The following BICRA variants were observed in gnomAD, a reference collection of about 807,000 sequenced individuals.
BICRA encodes BRD4-interacting chromatin-remodeling complex-associated protein.
In BICRA, 31 loss-of-function variants were observed where a neutral mutation model predicts 96.9. The ratio of observed to expected loss-of-function variants is 0.32; its 90% CI spans 0.24 to 0.43. The LOEUF (loss-of-function observed/expected upper bound fraction) is 0.43, where lower values mean the gene tolerates loss of function less well. Ranked by LOEUF, BICRA falls within the 20% of genes least tolerant of loss-of-function variation. The pLI is 1.00. For missense variants in BICRA, 2,283 were observed against 2,190.3 expected, an observed-to-expected ratio of 1.04 and a Z score of -0.84; for synonymous variants, 1,350 against 1,071.8, an observed-to-expected ratio of 1.26 and a Z score of -5.07.
Position 47,701,905 on chromosome 19 carries a change from C to T in BICRA, c.4173C>T (p.Tyr1391=), listed in dbSNP as rs1311579096. The T allele has an allele frequency of 1.4e-6, 2 of 1,442,594 alleles. No individual in the cohort carries two copies. Among genetic ancestry groups the T allele is most frequent in the Admixed American group, 2.9e-5 (1 of 34,262 alleles). 89.4% of individuals were successfully genotyped at this position (1,442,594 alleles called of 1,614,324 possible). The part of the protein sequence containing the change: ...HCPRLPLRKT[Y]RENVGGPGAP... ...CGCGCCTGCCACTGCGCAAGACCTA[C>T]CGCGAGAACGTGGGGGGCCCTGGCG... is the stretch of plus-strand genomic sequence containing the variant. The change falls in exon 15 of 15, where the codon TAC becomes TAT. Residue 1391 remains tyrosine, a synonymous_variant. Coordinates refer to ENST00000594866, the MANE Select transcript of BICRA (RefSeq NM_001394372.1). The surrounding 1 kb of genome is among the most constrained non-coding windows in gnomAD (Gnocchi z 5.4).
intron 1 of BICRA, among the ~76,000 whole-genome samples, chr19:47,665,934 C>T (rs1972772158): frequency 6.6e-6 from 1 of 152,252 alleles, no homozygotes; most frequent in Non-Finnish European, 1.5e-5. Context: ...GGGCCGGGGA[C>T]TTCTGTCCAG....
At chr19:47,631,278 A>C (rs1056808178) in intron 1 of BICRA, among the ~76,000 whole-genome samples, 2 of 151,956 alleles carry the variant, frequency 1.3e-5, no homozygotes, top group African/African-American at 4.8e-5. Flanking sequence ...CCCAGGCTGG[A>C]GTGCAGTGGC....
At chr19:47,667,047 C>G (rs1288681463) in intron 1 of BICRA, among the ~76,000 whole-genome samples, 2 of 148,124 alleles carry the variant, frequency 1.4e-5, no homozygotes, top group African/African-American at 5.0e-5. Context: ...GAGACGGAGT[C>G]TTGCTCTGTC....
intron 1 of BICRA, among the ~76,000 whole-genome samples, chr19:47,645,812 AG>A (rs1234476132): frequency 2.0e-5 from 3 of 152,084 alleles, no homozygotes; most frequent in African/African-American, 7.2e-5. Context: ...CTGAAGACTG[AG>A]ATTCCAGGTG....
In BICRA at chr19:47,680,597, G is replaced by C. The variant is rs1164259540; in HGVS notation, c.1427G>C (p.Gly476Ala). Reference protein sequence around the residue: ...LPGQNQFLLPGAPAVQLPQQL... With the variant: ...LPGQNQFLLPAAPAVQLPQQL... ...GGCCAGAACCAGTTCCTACTGCCTG[G>C]CGCCCCGGCGGTCCAGCTCCCGCAG... Residue 476 changes from glycine to alanine, a missense_variant, in exon 6 of 15, where the codon GGC becomes GCC. By Grantham distance (60) the Gly-to-Ala change is moderately conservative. Transcript: ENST00000594866. 1.2e-6 allele frequency: 2 copies of C among 1,608,600 alleles called. No individual in the cohort carries two copies. Among genetic ancestry groups the C allele is most frequent in the South Asian group, 1.1e-5 (1 of 90,792 alleles).
chr19:47,650,487 C>A (rs748050698), intron 1 of BICRA, among the ~76,000 whole-genome samples: 1 of 152,154 alleles, frequency 6.6e-6, no homozygotes, highest in African/African-American at 2.4e-5. Flanking sequence ...GAACTCCTGA[C>A]CTCAAGTGAT....
At position 47,669,945 on chromosome 19, in the gene BICRA, C is replaced by T. The variant is rs570672620; in HGVS notation, c.-107-498C>T. Among the ~76,000 whole-genome samples the T allele has an allele frequency of 1.1e-3, 164 of 149,306 alleles. No homozygotes were observed. The Middle Eastern group carries it at 0.019, about 17-fold the overall frequency. On this transcript the variant is annotated intron_variant, in intron 1 of 14. Coordinates refer to ENST00000594866, the MANE Select transcript of BICRA (RefSeq NM_001394372.1). ...TGCTGGGATTACAGGGGTGAGCCAC[C>T]GCGCCCGGACAGATTTTTTTATTTT...
At chr19:47,664,976 T>C (rs1413874102) in intron 1 of BICRA, among the ~76,000 whole-genome samples, 1 of 152,044 alleles carries the variant, frequency 6.6e-6, no homozygotes, top group Non-Finnish European at 1.5e-5. Context: ...GTCTCCAGGG[T>C]GCTGGTGACA....
chr19:47,610,011 G>T (rs1008249758), intron 1 of BICRA, among the ~76,000 whole-genome samples: 2 of 152,170 alleles, frequency 1.3e-5, no homozygotes, highest in Non-Finnish European at 1.5e-5. Flanking sequence ...GTTCGGGGCG[G>T]CCCCCCATCT....
At chr19:47,659,726 ACACACACG>A (rs1454620990) in intron 1 of BICRA, among the ~76,000 whole-genome samples, 357 of 141,266 alleles carry the variant, frequency 2.5e-3, no homozygotes, top group Non-Finnish European at 4.1e-3. Flanking sequence ...ACACACACAC[ACACACACG>A]TTCTCTTCTC....
At chr19:47,657,443 C>A (rs1972635803) in intron 1 of BICRA, among the ~76,000 whole-genome samples, 1 of 150,622 alleles carries the variant, frequency 6.6e-6, no homozygotes, top group Admixed American at 6.6e-5. Flanking sequence ...GTCGCCCAGG[C>A]TGGAGTGCAG....
In BICRA at chr19:47,701,817, C is replaced by A; in HGVS notation, c.4085C>A (p.Thr1362Lys). 1.3e-6 allele frequency: 2 copies of A among 1,532,810 alleles called. No homozygotes were observed. Among genetic ancestry groups the A allele is most frequent in the Non-Finnish European group, 1.7e-6 (2 of 1,143,022 alleles). The allele number at this position is 1,532,810 out of a possible 1,614,324, so 95.0% of individuals were successfully genotyped here. The stretch of plus-strand genomic sequence containing the variant: ...CCGCCCACGGGCCAGATGAACGGCA[C>A]GGTGGACCACCCGCCGCCTGCCGCC... The part of the protein sequence containing the change: ...PPPPTGQMNG[T>K]VDHPPPAAPE... Residue 1362 changes from threonine (T) to lysine (K), a missense_variant, in exon 15 of 15, where the codon ACG becomes AAG. By Grantham distance (78) the Thr-to-Lys change is moderately conservative. Coordinates refer to ENST00000594866, the MANE Select transcript of BICRA (RefSeq NM_001394372.1). This position sits in a 1 kb window ranked among gnomAD's most constrained non-coding sequence, Gnocchi z 5.4.
chr19:47,612,921 C>T (rs1054000027), intron 1 of BICRA, among the ~76,000 whole-genome samples: 3 of 151,764 alleles, frequency 2.0e-5, no homozygotes, highest in Non-Finnish European at 2.9e-5. Flanking sequence ...TTTCCCTTGG[C>T]GAGATGACAG....
intron 9 of BICRA, 43 bp from the exon 10 acceptor site, chr19:47,695,322 C>T: frequency 3.7e-6 from 3 of 813,788 alleles, no homozygotes; most frequent in Non-Finnish European, 6.2e-6. Context: ...GGCCTTCATG[C>T]AGTGACCGCA....
chr19:47,660,991 C>T (rs916241877), intron 1 of BICRA, among the ~76,000 whole-genome samples: 1 of 152,012 alleles, frequency 6.6e-6, no homozygotes, highest in African/African-American at 2.4e-5. Flanking sequence ...GGGCAGATCA[C>T]GAGGTCAAGA....
At chr19:47,654,784 C>G (rs1972589570) in intron 1 of BICRA, among the ~76,000 whole-genome samples, 1 of 87,920 alleles carries the variant, frequency 1.1e-5, no homozygotes, top group Admixed American at 1.2e-4. Context: ...AAGACTCCAT[C>G]TCTATGAAAA....
At chr19:47,621,967 C>T (rs1487959238) in intron 1 of BICRA, among the ~76,000 whole-genome samples, 2 of 150,282 alleles carry the variant, frequency 1.3e-5, no homozygotes. Context: ...AATTTTTGTA[C>T]TTTATTTTTT....
At chr19:47,697,965 G>A (rs1973373211) in intron 11 of BICRA, among the ~76,000 whole-genome samples, 1 of 152,144 alleles carries the variant, frequency 6.6e-6, no homozygotes, top group Admixed American at 6.5e-5. Context: ...CCTCGGCCCC[G>A]CAAAGCGCTG....
rs956693433 is a variant in BICRA, at chr19:47,698,271, C to T, written c.3249-363C>T. On this transcript the variant is annotated intron_variant, in intron 11 of 14. Coordinates refer to ENST00000594866, the MANE Select transcript of BICRA (RefSeq NM_001394372.1). The surrounding 1 kb of genome is among the most constrained non-coding windows in gnomAD (Gnocchi z 4.8). ...CCCGAAGGCTGCACTTTGGAGGAGG[C>T]ACGGTGGAGCCACACTGGCCCCAGG... is the stretch of plus-strand genomic sequence containing the variant. 3.9e-5 allele frequency among the ~76,000 whole-genome samples: 6 copies of T among 152,172 alleles called. No individual in the cohort carries two copies. In the East Asian group the frequency reaches 1.2e-3, roughly 29 times the overall value.
Sources: gnomAD v4.1 joint callset for allele counts (sites outside exome capture counted in the v4.1 genomes callset) on GRCh38, gnomAD v4.1.1 for gene constraint, Gnocchi (gnomAD v3.1) non-coding constraint, MANE v1.5 for transcripts, NCBI Gene and HGNC (gene_info 2026-07-23, HGNC 2026-07-21) for gene names.